IGF2BP2: variants seen among roughly 807,000 people sequenced by gnomAD.
The protein encoded by IGF2BP2 is insulin like growth factor 2 mRNA binding protein 2.
IGF2BP2 carries 17 observed loss-of-function variants against 75.8 expected under a neutral mutation model. The observed-to-expected ratio is 0.22, with a 90% CI of 0.15 to 0.34. The LOEUF (loss-of-function observed/expected upper bound fraction) is 0.34, where lower values mean the gene tolerates loss of function less well. IGF2BP2 is among the 10% of genes least tolerant of loss of function. IGF2BP2 has a pLI of 1.00. For missense variants in IGF2BP2, 516 were observed against 772.4 expected, an observed-to-expected ratio of 0.67 and a Z score of 3.93; for synonymous variants, 288 against 295.6, an observed-to-expected ratio of 0.97 and a Z score of 0.26.
chr3:185,816,444 C>T (rs1243736395), intron 2 of IGF2BP2, among the ~76,000 whole-genome samples: 2 of 152,116 alleles, frequency 1.3e-5, no homozygotes, highest in Non-Finnish European at 2.9e-5. Flanking sequence ...AGCATCATTG[C>T]AAAGGTTCAA....
intron 2 of IGF2BP2, among the ~76,000 whole-genome samples, chr3:185,810,989 G>A (rs1739741046): frequency 6.6e-6 from 1 of 151,826 alleles, no homozygotes; most frequent in African/African-American, 2.4e-5. Flanking sequence ...GAAAATAGAG[G>A]CTTATTTTTT....
At chr3:185,817,535 C>T (rs1325135096) in intron 2 of IGF2BP2, among the ~76,000 whole-genome samples, 1 of 152,104 alleles carries the variant, frequency 6.6e-6, no homozygotes, top group Non-Finnish European at 1.5e-5. Context: ...ATGATCAAAA[C>T]AGGAAAAGTA....
intron 2 of IGF2BP2, among the ~76,000 whole-genome samples, chr3:185,819,650 T>C (rs1015741218): frequency 3.3e-5 from 5 of 152,124 alleles, no homozygotes; most frequent in Non-Finnish European, 7.4e-5. Context: ...TACAGTTTAA[T>C]ATATATTCTG....
chr3:185,707,294 GCTT>G (rs1724172267), intron 2 of IGF2BP2, among the ~76,000 whole-genome samples: 2 of 101,674 alleles, frequency 2.0e-5, no homozygotes, highest in Non-Finnish European at 3.9e-5. Flanking sequence ...TAACGAAGGG[GCTT>G]TTTTTTTTTT....
intron 6 of IGF2BP2, 28 bp from the exon 7 acceptor site, chr3:185,687,219 T>C (rs1278853397): frequency 6.3e-7 from 1 of 1,591,298 alleles, no homozygotes; most frequent in Middle Eastern, 1.7e-4. Context: ...GGAGCCATGA[T>C]TACAAGGTCA....
At chr3:185,716,112 T>C (rs1461111063) in intron 2 of IGF2BP2, among the ~76,000 whole-genome samples, 1 of 152,080 alleles carries the variant, frequency 6.6e-6, no homozygotes, top group Non-Finnish European at 1.5e-5. Flanking sequence ...ATAGATCCAT[T>C]AAATATATTA....
intron 6 of IGF2BP2, among the ~76,000 whole-genome samples, chr3:185,687,883 G>A (rs910130110): frequency 6.6e-6 from 1 of 151,532 alleles, no homozygotes; most frequent in African/African-American, 2.4e-5. Flanking sequence ...TCTAAAAAAT[G>A]GGCACACACT....
At chr3:185,759,437 C>T (rs1442354490) in intron 2 of IGF2BP2, among the ~76,000 whole-genome samples, 1 of 152,174 alleles carries the variant, frequency 6.6e-6, no homozygotes, top group Non-Finnish European at 1.5e-5. Flanking sequence ...AAATATATAG[C>T]CTCTGTAAGA....
chr3:185,713,362 A>G, intron 2 of IGF2BP2: 1 of 518,414 alleles, frequency 1.9e-6, no homozygotes, highest in Non-Finnish European at 3.9e-6. Context: ...ATGCTTTAGC[A>G]GCAGGTGAGG....
chr3:185,669,358 T>C lies in IGF2BP2; in HGVS notation c.1200+3183A>G, dbSNP rs180738428. On this transcript the variant is annotated intron_variant, in intron 10 of 15. Coordinates refer to ENST00000382199, the MANE Select transcript of IGF2BP2 (RefSeq NM_006548.6). Reference sequence around the variant, plus strand: ...GAAAAATATAAATCATATATAAATATACACACACACACACGCACATACCTA... The same window carrying C: ...GAAAAATATAAATCATATATAAATACACACACACACACACGCACATACCTA... Among the ~76,000 whole-genome samples, 1,247 of 151,414 alleles carry C rather than the reference T, an allele frequency of 8.2e-3. 14 individuals carry two copies. The highest frequency in any genetic ancestry group is 0.012 in the Non-Finnish European group (830 of 67,774).
chr3:185,731,845 C>T (rs1560376669), intron 2 of IGF2BP2, among the ~76,000 whole-genome samples: 2 of 151,812 alleles, frequency 1.3e-5, no homozygotes, highest in Admixed American at 6.6e-5. Context: ...AGCCGGGCGT[C>T]GGGGCGGGTG....
intron 5 of IGF2BP2, among the ~76,000 whole-genome samples, chr3:185,690,763 T>G (rs1721839469): frequency 1.3e-5 from 2 of 152,208 alleles, no homozygotes; most frequent in East Asian, 3.8e-4. Context: ...AATCTTCAAA[T>G]GCACAGAGCG....
intron 10 of IGF2BP2, among the ~76,000 whole-genome samples, chr3:185,665,256 G>A (rs182905901): frequency 2.2e-4 from 31 of 141,484 alleles, no homozygotes; most frequent in Non-Finnish European, 1.5e-5. Context: ...AGAAGGAGAA[G>A]GAGGAGGAGG....
intron 2 of IGF2BP2, among the ~76,000 whole-genome samples, chr3:185,708,991 A>C (rs1724432994): frequency 2.0e-5 from 3 of 152,194 alleles, no homozygotes. Flanking sequence ...ACAAAACCAA[A>C]TTGTGTTTTT....
chr3:185,649,980 T>C (rs938800896), intron 13 of IGF2BP2, among the ~76,000 whole-genome samples: 29 of 152,188 alleles, frequency 1.9e-4, no homozygotes, highest in African/African-American at 6.5e-4. Context: ...TAATGGGATT[T>C]GAGGAGCCTG....
chr3:185,803,066 A>T (rs1560495202), intron 2 of IGF2BP2, among the ~76,000 whole-genome samples: 1 of 152,214 alleles, frequency 6.6e-6, no homozygotes, highest in African/African-American at 2.4e-5. Context: ...AATAGCCCCA[A>T]ATCAGGCTGG....
intron 2 of IGF2BP2, among the ~76,000 whole-genome samples, chr3:185,698,811 G>GTTGT (rs1394329068): frequency 2.0e-5 from 3 of 151,012 alleles, no homozygotes; most frequent in East Asian, 1.9e-4. Context: ...GTTTTTTGTT[G>GTTGT]TTGTTTGTTT....
At chr3:185,656,137 T>C (rs1483869750) in intron 12 of IGF2BP2, among the ~76,000 whole-genome samples, 2 of 152,248 alleles carry the variant, frequency 1.3e-5, no homozygotes, top group Non-Finnish European at 2.9e-5. Context: ...GACTGAAAGC[T>C]GGGCAAGGCC....
At chr3:185,713,074 A>ATGTG (rs201252245) in intron 2 of IGF2BP2, among the ~76,000 whole-genome samples, 2,599 of 144,558 alleles carry the variant, frequency 0.018, 70 homozygotes, top group African/African-American at 0.062. Flanking sequence ...ACAGATATGT[A>ATGTG]TGTGTGTGTG....
Sources: allele counts gnomAD v4.1 joint callset (sites outside exome capture counted in the v4.1 genomes callset), GRCh38; gene constraint gnomAD v4.1.1; transcripts MANE v1.5; gene names NCBI Gene and HGNC (gene_info 2026-07-23, HGNC 2026-07-21).